Variants in C2CD3 observed in about 807,000 individuals in gnomAD.
C2CD3 encodes C2 domain-containing protein 3.
A neutral mutation model predicts 234.0 loss-of-function variants in C2CD3; 148 were observed. That is an observed-to-expected ratio of 0.63 (90% CI 0.55 to 0.72). C2CD3 has a LOEUF of 0.72. C2CD3 is among the 30% of genes least tolerant of loss of function. The probability of loss-of-function intolerance (pLI) is 0.00; values close to 1 mark genes in which losing one functional copy is unlikely to be tolerated. For missense variants in C2CD3, 2,577 were observed against 2,811.5 expected (o/e 0.92, Z 1.89); for synonymous variants, 1,000 against 1,035.4 (o/e 0.97, Z 0.66).
chr11:74,074,714 C>G (rs1954956791), intron 23 of C2CD3, 114 bp from the exon 24 acceptor site: 1 of 772,942 alleles, frequency 1.3e-6, no homozygotes, highest in Non-Finnish European at 2.1e-6. Context: ...TCTACAAACC[C>G]CAATACAGCA....
At chr11:74,148,851 T>C (rs544677644) in intron 3 of C2CD3, among the ~76,000 whole-genome samples, 40 of 152,188 alleles carry the variant, frequency 2.6e-4, no homozygotes, top group Non-Finnish European at 5.0e-4. Context: ...ATACTGTCCT[T>C]GGGGACAGCA....
At chr11:74,133,951 C>A (rs1039788683) in intron 5 of C2CD3, among the ~76,000 whole-genome samples, 1 of 152,044 alleles carries the variant, frequency 6.6e-6, no homozygotes, top group African/African-American at 2.4e-5. Context: ...TGCTAAAAAG[C>A]TTCCATGACT....
intron 22 of C2CD3, among the ~76,000 whole-genome samples, chr11:74,082,013 C>G (rs1044748263): frequency 1.3e-5 from 2 of 152,144 alleles, no homozygotes; most frequent in African/African-American, 2.4e-5. Flanking sequence ...GCCAGAACTT[C>G]CAACACTATG....
In C2CD3 at chr11:74,054,603, A is replaced by G; in HGVS notation, c.5155+4T>C. The G allele has an allele frequency of 3.1e-6, 5 of 1,589,356 alleles. No individual in the cohort carries two copies. The highest frequency in any genetic ancestry group is 2.6e-6 in the Non-Finnish European group (3 of 1,159,350). ...AGCAGATATTCTTTTAACAGAGTTCATACCTCCTTTATGCCAAACTTTGAA... is the reference window on the plus strand; with the variant it reads ...AGCAGATATTCTTTTAACAGAGTTCGTACCTCCTTTATGCCAAACTTTGAA... On this transcript the variant is annotated splice_donor_region_variant and intron_variant, in intron 26 of 32. Transcript: ENST00000334126.
intron 24 of C2CD3, among the ~76,000 whole-genome samples, chr11:74,060,787 G>C (rs1013379167): frequency 3.9e-5 from 6 of 152,244 alleles, no homozygotes; most frequent in African/African-American, 1.4e-4. Flanking sequence ...GACGAGTTGA[G>C]AGAAGAAGGC....
chr11:74,107,336 A>C (rs1385997590), intron 12 of C2CD3, among the ~76,000 whole-genome samples: 3 of 152,088 alleles, frequency 2.0e-5, no homozygotes, highest in Non-Finnish European at 4.4e-5. Flanking sequence ...ACACACACAC[A>C]CACACACACA....
intron 3 of C2CD3, among the ~76,000 whole-genome samples, chr11:74,152,916 A>T (rs890101251): frequency 6.6e-6 from 1 of 152,246 alleles, no homozygotes; most frequent in African/African-American, 2.4e-5. Flanking sequence ...TGAAAAACCT[A>T]TATCTAACAT....
chr11:74,086,714 G>A (rs1194773770), intron 20 of C2CD3, among the ~76,000 whole-genome samples: 5 of 152,142 alleles, frequency 3.3e-5, no homozygotes, highest in Admixed American at 6.5e-5. Context: ...CGCCTTTAAC[G>A]ACACTCATAA....
At chr11:74,024,591 T>A (rs1200487981) in intron 32 of C2CD3, among the ~76,000 whole-genome samples, 1 of 152,198 alleles carries the variant, frequency 6.6e-6, no homozygotes, top group Non-Finnish European at 1.5e-5. Flanking sequence ...CAAAATTAAA[T>A]CTAAAATAAG....
At chr11:74,046,696 A>G (rs1264668913) in intron 28 of C2CD3, among the ~76,000 whole-genome samples, 1 of 152,032 alleles carries the variant, frequency 6.6e-6, no homozygotes, top group Non-Finnish European at 1.5e-5. Flanking sequence ...TTTGTTGTCT[A>G]TCAGTAATGC....
Position 74,161,513 on chromosome 11 carries a change from A to C in C2CD3, c.369T>G (p.Gly123=), listed in dbSNP as rs1158454460. The C allele has an allele frequency of 1.4e-5, 22 of 1,593,138 alleles. No individual in the cohort carries two copies. The highest frequency in any genetic ancestry group is 1.8e-5 in the Non-Finnish European group (21 of 1,169,694). ...LVLEVITKLD[G]LPIGRVQING... ...TGATCTGAACTCTACCAATTGGAAG[A>C]CCATCAAGTTTGGTGATTACTTCCA... is the stretch of plus-strand genomic sequence containing the variant. Residue 123 remains glycine (G), a synonymous_variant, in exon 3 of 33, where the codon GGT becomes GGG. Coordinates refer to ENST00000334126, the MANE Select transcript of C2CD3 (RefSeq NM_001286577.2).
intron 9 of C2CD3, among the ~76,000 whole-genome samples, chr11:74,117,340 C>T (rs1172855156): frequency 3.5e-5 from 4 of 114,284 alleles, no homozygotes; most frequent in East Asian, 2.4e-4. Context: ...TAGGTGACAT[C>T]GTCTAAGTCA....
intron 26 of C2CD3, 43 bp from the exon 27 acceptor site, chr11:74,049,585 T>A (rs751371217): frequency 6.8e-7 from 1 of 1,476,008 alleles, no homozygotes; most frequent in South Asian, 1.1e-5. Flanking sequence ...GCTAGGCATG[T>A]CCTGCCACTG....
At chr11:74,154,883 A>T (rs1374316245) in intron 3 of C2CD3, among the ~76,000 whole-genome samples, 3 of 152,246 alleles carry the variant, frequency 2.0e-5, no homozygotes, top group Non-Finnish European at 4.4e-5. Context: ...GAAAATCTCA[A>T]TTAGATATCA....
chr11:74,087,421 C>T (rs1590760600), intron 20 of C2CD3, among the ~76,000 whole-genome samples: 1 of 151,874 alleles, frequency 6.6e-6, no homozygotes, highest in Admixed American at 6.6e-5. Flanking sequence ...AAAACTTAGC[C>T]GGGCGTGGTG....
chr11:74,085,175 T>C (rs1955586009), intron 21 of C2CD3, among the ~76,000 whole-genome samples: 1 of 148,788 alleles, frequency 6.7e-6, no homozygotes, highest in Admixed American at 6.7e-5. Context: ...TCTCACTCTC[T>C]CATCCAGGCT....
At chr11:74,043,757 G>A (rs1953202971) in intron 28 of C2CD3, among the ~76,000 whole-genome samples, 2 of 151,794 alleles carry the variant, frequency 1.3e-5, no homozygotes, top group East Asian at 3.9e-4. Flanking sequence ...TTTTTTTGAA[G>A]AAATGTCTAT....
chr11:74,147,626 A>T (rs930211054), intron 3 of C2CD3, among the ~76,000 whole-genome samples: 10 of 152,238 alleles, frequency 6.6e-5, no homozygotes, highest in Non-Finnish European at 1.5e-4. Context: ...AGACTGGTCA[A>T]ATACAGGGCC....
intron 14 of C2CD3, among the ~76,000 whole-genome samples, chr11:74,102,605 C>T (rs1210184922): frequency 6.6e-6 from 1 of 152,170 alleles, no homozygotes; most frequent in Non-Finnish European, 1.5e-5. Context: ...GGTTACCACC[C>T]TTTTCCTAGT....
Sources: gnomAD v4.1 joint callset for allele counts (sites outside exome capture counted in the v4.1 genomes callset) on GRCh38, gnomAD v4.1.1 for gene constraint, MANE v1.5 for transcripts, NCBI Gene and HGNC (gene_info 2026-07-23, HGNC 2026-07-21) for gene names.